MAP3K2: variants seen among roughly 807,000 people sequenced by gnomAD.
MAP3K2 encodes MAP/ERK kinase kinase 2.
In MAP3K2, 24 loss-of-function variants were observed where a neutral mutation model predicts 80.3. The observed-to-expected ratio is 0.30, with a 90% confidence interval of 0.22 to 0.42. The LOEUF is 0.42. Ranked by LOEUF, MAP3K2 falls within the 10% of genes least tolerant of loss-of-function variation. The pLI is 1.00. For missense variants in MAP3K2, 608 were observed against 750.1 expected (o/e 0.81, Z 2.21); for synonymous variants, 244 against 253.7 (o/e 0.96, Z 0.36).
chr2:127,343,217 C>T lies in MAP3K2; in HGVS notation c.-65-23G>A. 4.5e-6 allele frequency: 4 copies of T among 888,696 alleles called. No homozygotes were observed. In the South Asian group the frequency reaches 8.0e-5, roughly 18 times the overall value. The allele number at this position is 888,696 out of a possible 1,614,324, so 55.1% of individuals were successfully genotyped here. ...GGCCTGAGAAGATAAAACAGATCAG[C>T]ATATTAATAAAAAGAAACAGAAAAG... On this transcript the variant is annotated intron_variant, in intron 1 of 16. Transcript: ENST00000682094.
chr2:127,312,755 G>A (rs1045594864), intron 15 of MAP3K2, among the ~76,000 whole-genome samples: 1 of 152,080 alleles, frequency 6.6e-6, no homozygotes, highest in Non-Finnish European at 1.5e-5. Flanking sequence ...CTGAGGTTGC[G>A]AGTTCGAGAC....
chr2:127,310,407 G>A lies in MAP3K2; in HGVS notation c.1457-1645C>T, dbSNP rs1685787064. 6.6e-6 allele frequency among the ~76,000 whole-genome samples: 1 copy of A among 152,158 alleles called. No homozygotes were observed. The highest frequency in any genetic ancestry group is 6.5e-5 in the Admixed American group (1 of 15,272). ...CACACACCTGTACTCCTAGCACTTT[G>A]GGAGGCAAAGGTGGGTGGATCGCTT... On this transcript the variant is annotated intron_variant, in intron 15 of 16. Transcript: ENST00000682094. This position sits in a 1 kb window ranked among gnomAD's most constrained non-coding sequence, Gnocchi z 4.8.
At chr2:127,361,548 T>C (rs771379402) in intron 1 of MAP3K2, among the ~76,000 whole-genome samples, 2 of 152,214 alleles carry the variant, frequency 1.3e-5, no homozygotes, top group African/African-American at 2.4e-5. Flanking sequence ...TTTGTAAACA[T>C]GCCTGCACAT....
chr2:127,373,665 A>G (rs1193612308), intron 1 of MAP3K2, among the ~76,000 whole-genome samples: 1 of 152,108 alleles, frequency 6.6e-6, no homozygotes, highest in African/African-American at 2.4e-5. Flanking sequence ...TTTTCCCACT[A>G]AACACTCCCC....
chr2:127,365,951 T>C (rs568856262), intron 1 of MAP3K2, among the ~76,000 whole-genome samples: 8 of 152,340 alleles, frequency 5.3e-5, no homozygotes, highest in African/African-American at 1.9e-4. Flanking sequence ...TCAAGCTTCC[T>C]CCCAATCTAC....
chr2:127,353,392 C>T (rs1686735319), intron 1 of MAP3K2, among the ~76,000 whole-genome samples: 1 of 151,732 alleles, frequency 6.6e-6, no homozygotes, highest in Non-Finnish European at 1.5e-5. Flanking sequence ...CCGGCCGCCC[C>T]ATCTGAGAAG....
chr2:127,363,675 T>A (rs1200556327), intron 1 of MAP3K2, among the ~76,000 whole-genome samples: 2 of 152,240 alleles, frequency 1.3e-5, no homozygotes, highest in African/African-American at 2.4e-5. Flanking sequence ...GCTGGCTGTC[T>A]TCATTATACA....
At chr2:127,343,340 T>C (rs1686536273) in intron 1 of MAP3K2, 146 bp from the exon 2 acceptor site, 1 of 484,160 alleles carries the variant, frequency 2.1e-6, no homozygotes, top group South Asian at 4.1e-5. Flanking sequence ...AGGTGTTTTA[T>C]ATTGAAGGTT....
At chr2:127,377,810 G>C (rs892212060) in intron 1 of MAP3K2, among the ~76,000 whole-genome samples, 12 of 152,142 alleles carry the variant, frequency 7.9e-5, no homozygotes, top group Admixed American at 7.9e-4. Flanking sequence ...TGGGAGGCTA[G>C]GCTGAGATGC....
In MAP3K2 at chr2:127,307,528, G is replaced by T; in HGVS notation, c.*51C>A. 8.3e-7 allele frequency: 1 copy of T among 1,205,128 alleles called. No individual in the cohort carries two copies. The highest frequency in any genetic ancestry group is 1.2e-6 in the Non-Finnish European group (1 of 855,398). 74.7% of individuals were successfully genotyped at this position (1,205,128 alleles called of 1,614,324 possible). On this transcript the variant is annotated 3_prime_UTR_variant, in exon 17 of 17. Transcript: ENST00000682094. The surrounding 1 kb of genome is among the most constrained non-coding windows in gnomAD (Gnocchi z 5.4). ...AAAGAAAAGTGCAGTCAGAGAGAAG[G>T]TGAATGAATAGATGGGAGCTAGGTA...
intron 1 of MAP3K2, among the ~76,000 whole-genome samples, chr2:127,374,923 CA>C (rs1687123725): frequency 6.6e-6 from 1 of 151,594 alleles, no homozygotes; most frequent in African/African-American, 2.4e-5. Flanking sequence ...GCTCAGAAAA[CA>C]AAAAAGGGGG....
rs527920596 is a variant in MAP3K2, at chr2:127,302,898, T to A, written c.*4681A>T. 28 of 152,024 alleles carry A rather than the reference T, an allele frequency of 1.8e-4. No homozygotes were observed. The highest frequency in any genetic ancestry group is 4.8e-4 in the African/African-American group (20 of 41,394). 9.4% of individuals were successfully genotyped at this position (152,024 alleles called of 1,614,324 possible). A position where few individuals can be genotyped will look rare whatever the true frequency, so the allele number is the denominator to read the frequency against. On this transcript the variant is annotated 3_prime_UTR_variant, in exon 17 of 17. Transcript: ENST00000682094. ...CATTTATTTATTTATTTATTTATTT[T>A]TTTAAAAAGGAGGTAGAAAAGGGTA...
chr2:127,335,953 T>C lies in MAP3K2; in HGVS notation c.181A>G (p.Arg61Gly), dbSNP rs1220242991. The change falls in exon 5 of 17, where the codon AGA (arginine) becomes GGA (glycine). Residue 61 changes from arginine to glycine, a missense_variant. By Grantham distance (125) the Arg-to-Gly change is moderately radical. This residue lies in a region of MAP3K2 where 467 missense variants were observed against 521.9 expected (regional missense o/e 0.89). Transcript: ENST00000682094. ...RGEKRILQFP[R>G]PVKLEDLRSK... is the part of the protein sequence containing the mutation. ...CTCAGATCTTCCAGTTTAACTGGTC[T>C]GGGGAACTGAAGGATTCTATATAAA... 6.4e-7 allele frequency: 1 copy of C among 1,560,210 alleles called. No individual in the cohort carries two copies. Among genetic ancestry groups the C allele is most frequent in the Admixed American group, 1.9e-5 (1 of 53,340 alleles).
intron 3 of MAP3K2, among the ~76,000 whole-genome samples, chr2:127,338,576 C>A (rs576788660): frequency 3.3e-5 from 5 of 152,238 alleles, no homozygotes; most frequent in African/African-American, 1.2e-4. Context: ...TAACTGAGAA[C>A]ATGTGGTATT....
chr2:127,380,311 C>T (rs535448105), intron 1 of MAP3K2, among the ~76,000 whole-genome samples: 1 of 152,310 alleles, frequency 6.6e-6, no homozygotes, highest in South Asian at 2.1e-4. Flanking sequence ...GGAGCATTCT[C>T]AGTGACAATA....
intron 1 of MAP3K2, among the ~76,000 whole-genome samples, chr2:127,381,133 T>C (rs1339985933): frequency 4.6e-5 from 7 of 152,196 alleles, no homozygotes; most frequent in South Asian, 2.1e-4. Context: ...TCCTGAGTAG[T>C]TGAGGCATGC....
intron 1 of MAP3K2, among the ~76,000 whole-genome samples, chr2:127,375,560 C>A (rs1687138678): frequency 6.6e-6 from 1 of 151,850 alleles, no homozygotes; most frequent in South Asian, 2.1e-4. Flanking sequence ...CAGGCACATG[C>A]CACCATATCC....
chr2:127,301,343 A>C lies in MAP3K2; in HGVS notation c.*6236T>G, dbSNP rs1251073388. ...GAATCAGTGGTCAAGTGACATTAAC[A>C]AGATTGGCACATGTACAAGCTTAAA... On this transcript the variant is annotated 3_prime_UTR_variant, in exon 17 of 17. Coordinates refer to ENST00000682094, the MANE Select transcript of MAP3K2 (RefSeq NM_001371910.2). 1 of 152,260 alleles carries C rather than the reference A, an allele frequency of 6.6e-6. No homozygotes were observed. The highest frequency in any genetic ancestry group is 1.5e-5 in the Non-Finnish European group (1 of 68,046). The allele number at this position is 152,260 out of a possible 1,614,324, so 9.4% of individuals were successfully genotyped here.
At chr2:127,326,310 ATTGAAGTATTTTTT>A (rs1573985310) in intron 8 of MAP3K2, among the ~76,000 whole-genome samples, 9 of 72,654 alleles carry the variant, frequency 1.2e-4, no homozygotes, top group Non-Finnish European at 1.6e-4. Context: ...ATACTATAAA[ATTGAAGTATTTTTT>A]AAATGTTTCA....
Sources: gnomAD v4.1 joint callset for allele counts (sites outside exome capture counted in the v4.1 genomes callset) on GRCh38, gnomAD v4.1.1 for gene constraint, gnomAD v4.1.1 regional missense constraint, Gnocchi (gnomAD v3.1) non-coding constraint, MANE v1.5 for transcripts, NCBI Gene and HGNC (gene_info 2026-07-23, HGNC 2026-07-21) for gene names.